TACR1: variants seen among roughly 807,000 people sequenced by gnomAD.
The protein encoded by TACR1 is tachykinin receptor 1, also known as substance-P receptor.
Under a neutral mutation model 35.8 loss-of-function variants are expected in TACR1, and 25 were observed. The ratio of observed to expected loss-of-function variants is 0.70; its 90% CI spans 0.51 to 0.98. The LOEUF (loss-of-function observed/expected upper bound fraction) is 0.98, where lower values mean the gene tolerates loss of function less well. TACR1 is among the 50% of genes least tolerant of loss of function. TACR1 has a pLI of 0.00. For missense variants in TACR1, 478 were observed against 522.9 expected (o/e 0.91, Z 0.84); for synonymous variants, 195 against 206.7 (o/e 0.94, Z 0.48).
intron 2 of TACR1, among the ~76,000 whole-genome samples, chr2:75,062,253 T>C (rs1672686229): frequency 6.6e-6 from 1 of 152,066 alleles, no homozygotes; most frequent in African/African-American, 2.4e-5. Flanking sequence ...ACAAGTACTA[T>C]ATACTCATCG....
chr2:75,120,956 A>T (rs1160997683), intron 1 of TACR1, among the ~76,000 whole-genome samples, 188 bp from the exon 2 acceptor site: 1 of 152,198 alleles, frequency 6.6e-6, no homozygotes, highest in African/African-American at 2.4e-5. Context: ...CAATGCCAAC[A>T]TGCGTAAGAA....
At chr2:75,116,286 G>C (rs911578300) in intron 2 of TACR1, among the ~76,000 whole-genome samples, 2 of 152,086 alleles carry the variant, frequency 1.3e-5, no homozygotes, top group African/African-American at 4.8e-5. Flanking sequence ...TATTTGTAGA[G>C]AGGGGGTTTC....
chr2:75,098,311 T>C lies in TACR1; in HGVS notation c.584+22263A>G, dbSNP rs181576949. On this transcript the variant is annotated intron_variant, in intron 2 of 4. Coordinates refer to ENST00000305249, the MANE Select transcript of TACR1 (RefSeq NM_001058.4). ...TTTTTACCCAAACATAACATGAGCA[T>C]TTTCTCATGTTATCACAAATTTGTC... 2.1e-4 allele frequency among the ~76,000 whole-genome samples: 32 copies of C among 152,312 alleles called. 1 individual carries two copies. Among genetic ancestry groups the C allele is most frequent in the Admixed American group, 1.6e-3 (24 of 15,300 alleles).
At chr2:75,061,425 G>A (rs114686393) in intron 2 of TACR1, among the ~76,000 whole-genome samples, 2,020 of 150,788 alleles carry the variant, frequency 0.013, 32 homozygotes, top group African/African-American at 0.045. Context: ...TAATATACTT[G>A]GCCACGAAAG....
intron 1 of TACR1, among the ~76,000 whole-genome samples, chr2:75,127,136 C>T (rs1674089651): frequency 6.6e-6 from 1 of 152,314 alleles, no homozygotes; most frequent in South Asian, 2.1e-4. Flanking sequence ...ATCCTCCCTC[C>T]GTTTTAGGGA....
intron 1 of TACR1, among the ~76,000 whole-genome samples, chr2:75,158,245 C>G (rs1314648501): frequency 6.6e-6 from 1 of 152,176 alleles, no homozygotes; most frequent in Non-Finnish European, 1.5e-5. Context: ...AAGCATTACT[C>G]TAGGCAACTA....
intron 1 of TACR1, among the ~76,000 whole-genome samples, chr2:75,172,294 C>G (rs1675305288): frequency 6.6e-6 from 1 of 152,278 alleles, no homozygotes; most frequent in South Asian, 2.1e-4. Context: ...CTGAACAGCC[C>G]CATCCCAAGT....
chr2:75,153,685 C>T (rs1201028515), intron 1 of TACR1, among the ~76,000 whole-genome samples: 1 of 152,176 alleles, frequency 6.6e-6, no homozygotes, highest in Non-Finnish European at 1.5e-5. Flanking sequence ...TGAAATTCAC[C>T]TGGCACATTC....
chr2:75,168,916 T>C (rs1287719733), intron 1 of TACR1, among the ~76,000 whole-genome samples: 1 of 152,154 alleles, frequency 6.6e-6, no homozygotes. Context: ...TGATTTTCTA[T>C]TTTCCAAAAT....
At chr2:75,146,857 C>A (rs1674526928) in intron 1 of TACR1, among the ~76,000 whole-genome samples, 1 of 152,194 alleles carries the variant, frequency 6.6e-6, no homozygotes, top group South Asian at 2.1e-4. Context: ...AATATTTTAA[C>A]ATGAAATGTG....
At chr2:75,061,512 G>T (rs1672672918) in intron 2 of TACR1, among the ~76,000 whole-genome samples, 1 of 152,122 alleles carries the variant, frequency 6.6e-6, no homozygotes, top group Non-Finnish European at 1.5e-5. Context: ...AAGGATAGGG[G>T]ATATGAAGCC....
At chr2:75,103,130 C>A (rs929797477) in intron 2 of TACR1, among the ~76,000 whole-genome samples, 1 of 152,140 alleles carries the variant, frequency 6.6e-6, no homozygotes, top group African/African-American at 2.4e-5. Flanking sequence ...AACCATTTGA[C>A]AGTGTTTGTT....
intron 2 of TACR1, among the ~76,000 whole-genome samples, chr2:75,095,480 A>G (rs1673403932): frequency 6.6e-6 from 1 of 152,172 alleles, no homozygotes; most frequent in African/African-American, 2.4e-5. Flanking sequence ...GTAGGGTTGG[A>G]TCAGCATGGA....
In TACR1 at chr2:75,048,707, T is replaced by C. The variant is rs571829911; in HGVS notation, c.*725A>G. On this transcript the variant is annotated 3_prime_UTR_variant, in exon 5 of 5. Transcript: ENST00000305249. ...TTACAAGTAGGAAAAGAGGGTCAAC[T>C]ACACATTAAATGTAGTGCAAGTCTC... 1 of 152,298 alleles carries C rather than the reference T, an allele frequency of 6.6e-6. No individual in the cohort carries two copies. Among genetic ancestry groups the C allele is most frequent in the African/African-American group, 2.4e-5 (1 of 41,560 alleles). 9.4% of individuals were successfully genotyped at this position (152,298 alleles called of 1,614,324 possible). A position where few individuals can be genotyped will look rare whatever the true frequency, so the allele number is the denominator to read the frequency against.
intron 1 of TACR1, chr2:75,189,107 C>T (rs138266131): frequency 5.9e-5 from 9 of 152,278 alleles, no homozygotes; most frequent in African/African-American, 2.2e-4. Context: ...TGGGGTGAGG[C>T]TGTGCATGAT....
At chr2:75,190,026 C>G (rs1675804271) in intron 1 of TACR1, 1 of 152,026 alleles carries the variant, frequency 6.6e-6, no homozygotes, top group Admixed American at 6.6e-5. Context: ...GAGCTTTAGT[C>G]AAAGAACAAA....
At chr2:75,145,461 G>A (rs963473352) in intron 1 of TACR1, among the ~76,000 whole-genome samples, 1 of 152,090 alleles carries the variant, frequency 6.6e-6, no homozygotes, top group African/African-American at 2.4e-5. Flanking sequence ...GTAGATGATA[G>A]CTTATCTAAA....
chr2:75,101,372 A>G (rs1341455247), intron 2 of TACR1, among the ~76,000 whole-genome samples: 1 of 152,190 alleles, frequency 6.6e-6, no homozygotes, highest in Non-Finnish European at 1.5e-5. Flanking sequence ...AGGTAGATGA[A>G]TGATCACTGT....
At chr2:75,110,612 A>C (rs1673731263) in intron 2 of TACR1, among the ~76,000 whole-genome samples, 2 of 152,072 alleles carry the variant, frequency 1.3e-5, no homozygotes, top group South Asian at 2.1e-4. Context: ...ACTGATTATA[A>C]TATTATGATA....
Sources: allele counts gnomAD v4.1 joint callset (sites outside exome capture counted in the v4.1 genomes callset), GRCh38; gene constraint gnomAD v4.1.1; transcripts MANE v1.5; gene names NCBI Gene and HGNC (gene_info 2026-07-23, HGNC 2026-07-21).